AGAP2: variants seen among roughly 807,000 people sequenced by gnomAD.
AGAP2 encodes the protein ArfGAP with GTPase domain, ankyrin repeat and PH domain 2.
In AGAP2, 32 loss-of-function variants were observed where a neutral mutation model predicts 110.9. That is an observed-to-expected ratio of 0.29 (90% CI 0.22 to 0.39). The LOEUF is 0.39. Ranked by LOEUF, AGAP2 falls within the 10% of genes least tolerant of loss-of-function variation. The pLI, the probability that AGAP2 is intolerant of heterozygous loss-of-function variation, is 1.00. For synonymous variants in AGAP2, 702 were observed against 713.0 expected, an observed-to-expected ratio of 0.98 and a Z score of 0.25; for missense variants, 1,285 against 1,638.5, an observed-to-expected ratio of 0.78 and a Z score of 3.72.
At chr12:57,731,190 T>C (rs189540099) in intron 10 of AGAP2, among the ~76,000 whole-genome samples, 176 bp downstream of exon 10, 2 of 152,306 alleles carry the variant, frequency 1.3e-5, no homozygotes, top group Admixed American at 1.3e-4. Flanking sequence ...GCAATGTATT[T>C]ACCTTTACAT....
upstream of AGAP2, among the ~76,000 whole-genome samples, chr12:57,739,545 G>C (rs560045668): frequency 6.6e-6 from 1 of 152,148 alleles, no homozygotes; most frequent in African/African-American, 2.4e-5. Flanking sequence ...TAAGTCAAAG[G>C]CTCCAGCTCT....
chr12:57,742,104 C>T (rs1471642206), upstream of AGAP2: 16 of 1,606,214 alleles, frequency 1.0e-5, no homozygotes, highest in Non-Finnish European at 1.4e-5. Flanking sequence ...GGCTAACAAC[C>T]ACCTCTGGCC....
Position 57,731,609 on chromosome 12 carries a change from A to C in AGAP2, c.1987T>G (p.Leu663Val), listed in dbSNP as rs1954886489. Residue 663 changes from leucine (L) to valine (V), a missense_variant, in exon 9 of 19, where the codon TTG becomes GTG. This residue lies in a region of AGAP2 where 844 missense variants were observed against 941.2 expected (regional missense o/e 0.90). Transcript: ENST00000547588. ...RRGSDSEKRS[L>V]DSRGETTGSG... is the part of the protein sequence containing the mutation. ...CCTGTTGTCTCTCCCCGACTATCCA[A>C]GCTTCGTTTCTCGGAGTCACTACCC... 5.6e-6 allele frequency: 9 copies of C among 1,614,030 alleles called. No homozygotes were observed. In the East Asian group the frequency reaches 2.0e-4, roughly 36 times the overall value.
At chr12:57,741,865 C>T, upstream of AGAP2, 1 of 1,593,292 alleles carries the variant, frequency 6.3e-7, no homozygotes, top group Non-Finnish European at 8.6e-7. Context: ...TTCTATGCAC[C>T]TGCTAGTCCC....
In AGAP2 at chr12:57,730,541, T is replaced by C; in HGVS notation, c.2382A>G (p.Lys794=). Residue 794 remains lysine, a synonymous_variant, in exon 12 of 19, where the codon AAA becomes AAG. Transcript: ENST00000547588. ...AATTCCGGTCTGGCTTCAGCAGGTG[T>C]TTGGATGTCTGATCTGGTGGTGGCT... ...SLQPPPDQTS[K]HLLKPDRNLA... is the part of the protein sequence containing the mutation. 6.2e-7 allele frequency: 1 copy of C among 1,614,108 alleles called. No individual in the cohort carries two copies. Among genetic ancestry groups the C allele is most frequent in the Non-Finnish European group, 8.5e-7 (1 of 1,180,002 alleles).
upstream of AGAP2, among the ~76,000 whole-genome samples, chr12:57,739,533 G>T (rs1415535830): frequency 2.0e-5 from 3 of 152,142 alleles, no homozygotes; most frequent in Non-Finnish European, 4.4e-5. Flanking sequence ...CAGGCCACAG[G>T]GTAAGTCAAA....
chr12:57,741,006 G>A (rs1020838256), upstream of AGAP2, among the ~76,000 whole-genome samples: 1 of 152,232 alleles, frequency 6.6e-6, no homozygotes, highest in African/African-American at 2.4e-5. Flanking sequence ...GATGGAAGAA[G>A]TGTTTCCACC....
Position 57,738,215 on chromosome 12 carries a change from C to G in AGAP2, c.32G>C (p.Arg11Pro), listed in dbSNP as rs1191020884. Residue 11 changes from arginine (R) to proline (P), a missense_variant, in exon 1 of 19, where the codon CGG becomes CCG. This residue lies in a region of AGAP2 where 844 missense variants were observed against 941.2 expected (regional missense o/e 0.90). Transcript: ENST00000547588. This position sits in a 1 kb window ranked among gnomAD's most constrained non-coding sequence, Gnocchi z 6.7. MSRGAGALQR[R>P]TTTYLISLTL... ...CAGCGAGATGAGGTAGGTCGTTGTC[C>G]GGCGCTGAAGCGCGCCCGCGCCCCG... 5 of 1,523,468 alleles carry G rather than the reference C, an allele frequency of 3.3e-6. No homozygotes were observed. The highest frequency in any genetic ancestry group is 4.4e-6 in the Non-Finnish European group (5 of 1,140,866). 94.4% of individuals were successfully genotyped at this position (1,523,468 alleles called of 1,614,324 possible).
intron 7 of AGAP2, 41 bp from the exon 8 acceptor site, chr12:57,732,008 C>T: frequency 1.9e-6 from 3 of 1,603,666 alleles, no homozygotes; most frequent in Non-Finnish European, 8.5e-7. Flanking sequence ...GAGATGCCCC[C>T]TACTCCACCA....
Position 57,737,487 on chromosome 12 carries a change from C to A in AGAP2, c.760G>T (p.Gly254Cys). Residue 254 changes from glycine (G) to cysteine (C), a missense_variant, in exon 1 of 19, where the codon GGT (glycine) becomes TGT (cysteine). By Grantham distance (159) the Gly-to-Cys change is radical (BLOSUM62 -3). Coordinates refer to ENST00000547588, the MANE Select transcript of AGAP2 (RefSeq NM_001122772.3). The surrounding 1 kb of genome is among the most constrained non-coding windows in gnomAD (Gnocchi z 5.9). ...GGGGSTASTS[G>C]GVGAGAGARG... ...GCTCCAGCCCCAGCCCCGACCCCAC[C>A]AGAGGTCGAAGCTGTAGAGCCCCCT... The A allele has an allele frequency of 6.2e-7, 1 of 1,605,864 alleles. No homozygotes were observed. The highest frequency in any genetic ancestry group is 8.5e-7 in the Non-Finnish European group (1 of 1,176,364).
upstream of AGAP2, among the ~76,000 whole-genome samples, chr12:57,739,236 G>T (rs1002912144): frequency 1.3e-5 from 2 of 152,182 alleles, no homozygotes; most frequent in Admixed American, 1.3e-4. Flanking sequence ...GGTAAACAGA[G>T]CAAACCCAGG....
Position 57,737,295 on chromosome 12 carries a change from G to A in AGAP2, c.952C>T (p.Pro318Ser). 1 of 1,613,724 alleles carries A rather than the reference G, an allele frequency of 6.2e-7. No individual in the cohort carries two copies. Among genetic ancestry groups the A allele is most frequent in the South Asian group, 1.1e-5 (1 of 91,078 alleles). ...ASAQPPGPAP[P>S]ITLEPPAPGL... is the part of the protein sequence containing the mutation. ...GGAGCTGGAGGCTCCAGAGTGATTG[G>A]AGGTGCAGGCCCGGGGGGCTGCGCG... The change falls in exon 1 of 19, where the codon CCA becomes TCA. Residue 318 changes from proline to serine, a missense_variant. Pro to Ser is a moderately conservative substitution (Grantham distance 74). Coordinates refer to ENST00000547588, the MANE Select transcript of AGAP2 (RefSeq NM_001122772.3). This position sits in a 1 kb window ranked among gnomAD's most constrained non-coding sequence, Gnocchi z 5.9.
chr12:57,738,620 G>A lies in AGAP2; in HGVS notation c.-374C>T, dbSNP rs924667799. ...AGAGAGAGGAAAAGGGAGCAGAAAA[G>A]GGGACCGGAGGCTAGGGGAAACGAA... On this transcript the variant is annotated 5_prime_UTR_variant, in exon 1 of 19. Coordinates refer to ENST00000547588, the MANE Select transcript of AGAP2 (RefSeq NM_001122772.3). This position sits in a 1 kb window ranked among gnomAD's most constrained non-coding sequence, Gnocchi z 6.7. 3.3e-5 allele frequency among the ~76,000 whole-genome samples: 5 copies of A among 151,964 alleles called. No individual in the cohort carries two copies. Among genetic ancestry groups the A allele is most frequent in the African/African-American group, 1.2e-4 (5 of 41,364 alleles).
At chr12:57,727,868 G>A in intron 15 of AGAP2, 69 bp downstream of exon 15, 1 of 1,604,570 alleles carries the variant, frequency 6.2e-7, no homozygotes, top group Non-Finnish European at 8.5e-7. Flanking sequence ...CGGCCGTGTC[G>A]TTGCCAATGG....
At position 57,728,300 on chromosome 12, in the gene AGAP2, C is replaced by T. The variant is rs767205175; in HGVS notation, c.2617+18G>A. ...CTGCACCCCAGCTGAGCGCCCCTCC[C>T]GGCTCCCCACTTGTTACCTGCTTTA... On this transcript the variant is annotated intron_variant, in intron 14 of 18. Transcript: ENST00000547588. 2.4e-5 allele frequency: 38 copies of T among 1,613,020 alleles called. No homozygotes were observed. Among genetic ancestry groups the T allele is most frequent in the Middle Eastern group, 3.3e-4 (2 of 6,080 alleles).
In AGAP2 at chr12:57,732,405, G is replaced by A. The variant is rs1210136314; in HGVS notation, c.1792C>T (p.Gln598Ter). The stretch of plus-strand genomic sequence containing the variant: ...CAGACTCTGAAACCCCAACTCACCT[G>A]GCCAGCTACCGGAGTGGATGCAGCT... ...HSAASTPVAG[Q>*]ASNGGHTSDY... is the part of the protein sequence containing the mutation. The change falls in exon 7 of 19, where the codon CAG becomes TAG. Residue 598 changes from glutamine (Q) to a stop codon, truncating the protein, a stop_gained and splice_region_variant. Coordinates refer to ENST00000547588, the MANE Select transcript of AGAP2 (RefSeq NM_001122772.3). LOFTEE classifies it high-confidence loss of function. 1.3e-6 allele frequency: 2 copies of A among 1,596,910 alleles called. No individual in the cohort carries two copies.
At chr12:57,735,315 T>G in intron 2 of AGAP2, 54 bp downstream of exon 2, 1 of 1,484,812 alleles carries the variant, frequency 6.7e-7, no homozygotes. Flanking sequence ...GAGCTGAGAG[T>G]GCAGTGGGTG....
Position 57,737,727 on chromosome 12 carries a change from C to T in AGAP2, c.520G>A (p.Gly174Ser), listed in dbSNP as rs749792908. The change falls in exon 1 of 19, where the codon GGC becomes AGC. Residue 174 changes from glycine (G) to serine (S), a missense_variant. Physicochemically the swap from Gly to Ser is moderately conservative, Grantham distance 56. Around this residue, in one of 7 missense-constraint regions of AGAP2, gnomAD observed 844 missense variants for 941.2 expected, o/e 0.90. Coordinates refer to ENST00000547588, the MANE Select transcript of AGAP2 (RefSeq NM_001122772.3). This position sits in a 1 kb window ranked among gnomAD's most constrained non-coding sequence, Gnocchi z 5.9. Reference protein sequence around the residue: ...PGSSSPHPGTGSRRLKVAPPP... With the variant: ...PGSSSPHPGTSSRRLKVAPPP... ...GGCGCCACCTTGAGCCTCCGGCTGC[C>T]GGTGCCAGGGTGCGGAGAGGATGAG... 1 of 1,545,736 alleles carries T rather than the reference C, an allele frequency of 6.5e-7. No individual in the cohort carries two copies. Among genetic ancestry groups the T allele is most frequent in the South Asian group, 1.2e-5 (1 of 84,272 alleles).
chr12:57,731,096 C>A, intron 10 of AGAP2, 143 bp from the exon 11 acceptor site: 1 of 951,816 alleles, frequency 1.1e-6, no homozygotes, highest in Non-Finnish European at 1.5e-6. Context: ...AGGGGATGGG[C>A]CCATCAGACT....
Sources: gnomAD v4.1 joint callset for allele counts (sites outside exome capture counted in the v4.1 genomes callset) on GRCh38, gnomAD v4.1.1 for gene constraint, gnomAD v4.1.1 regional missense constraint, Gnocchi (gnomAD v3.1) non-coding constraint, MANE v1.5 for transcripts, NCBI Gene and HGNC (gene_info 2026-07-23, HGNC 2026-07-21) for gene names.